Variants in MCTP1 observed in about 807,000 individuals in gnomAD.
The protein encoded by MCTP1 is multiple C2 and transmembrane domain containing 1, also known as multiple C2 and transmembrane domain-containing protein 1.
Under a neutral mutation model 120.6 loss-of-function variants are expected in MCTP1, and 69 were observed. The observed-to-expected ratio is 0.57, with a 90% CI of 0.47 to 0.70. The LOEUF (loss-of-function observed/expected upper bound fraction) is 0.70, where lower values mean the gene tolerates loss of function less well. MCTP1 is among the 30% of genes least tolerant of loss of function. The pLI, the probability that MCTP1 is intolerant of heterozygous loss-of-function variation, is 0.00. For missense variants in MCTP1, 1,203 were observed against 1,248.8 expected, an observed-to-expected ratio of 0.96 and a Z score of 0.55; for synonymous variants, 529 against 493.1, an observed-to-expected ratio of 1.07 and a Z score of -0.96.
At chr5:95,263,436 A>C (rs532659854) in intron 1 of MCTP1, among the ~76,000 whole-genome samples, 1 of 152,234 alleles carries the variant, frequency 6.6e-6, no homozygotes, top group Admixed American at 6.5e-5. Flanking sequence ...CCCCATACTA[A>C]GTCCTGTGGC....
intron 17 of MCTP1, among the ~76,000 whole-genome samples, chr5:94,834,649 C>T (rs1182581341): frequency 6.6e-6 from 1 of 152,048 alleles, no homozygotes; most frequent in African/African-American, 2.4e-5. Context: ...CATCATAGCG[C>T]AATTCAAAGG....
chr5:94,947,878 C>A (rs1261608754), intron 3 of MCTP1, among the ~76,000 whole-genome samples: 2 of 150,982 alleles, frequency 1.3e-5, no homozygotes, highest in East Asian at 2.0e-4. Context: ...CACCTCAGCG[C>A]CCCAAAGTGC....
intron 1 of MCTP1, among the ~76,000 whole-genome samples, chr5:95,142,545 C>A (rs1760021931): frequency 6.6e-6 from 1 of 152,130 alleles, no homozygotes; most frequent in African/African-American, 2.4e-5. Context: ...TCTTTTCCAT[C>A]ATTATAGTCA....
chr5:95,103,233 T>A (rs868344385), intron 1 of MCTP1, among the ~76,000 whole-genome samples: 2 of 152,024 alleles, frequency 1.3e-5, no homozygotes, highest in Non-Finnish European at 2.9e-5. Flanking sequence ...TCAATGAACA[T>A]CACAAATATA....
chr5:95,002,872 A>G (rs188917711), intron 2 of MCTP1, among the ~76,000 whole-genome samples: 52 of 152,248 alleles, frequency 3.4e-4, no homozygotes, highest in Non-Finnish European at 6.6e-4. Context: ...GGGTGGAATA[A>G]TATGGTTTGG....
At chr5:95,122,096 G>A (rs12522740) in intron 1 of MCTP1, among the ~76,000 whole-genome samples, 30,829 of 151,894 alleles carry the variant, frequency 0.2, 3,299 homozygotes, top group East Asian at 0.33. Flanking sequence ...AGCAAAGATC[G>A]TTTGAGTAAT....
intron 2 of MCTP1, among the ~76,000 whole-genome samples, chr5:94,957,656 A>T (rs1052048665): frequency 6.7e-6 from 1 of 149,384 alleles, no homozygotes; most frequent in Non-Finnish European, 1.5e-5. Flanking sequence ...AATGAAGATT[A>T]AAAAAAAAGA....
At chr5:95,046,972 G>A (rs1192253901) in intron 1 of MCTP1, among the ~76,000 whole-genome samples, 1 of 152,108 alleles carries the variant, frequency 6.6e-6, no homozygotes, top group African/African-American at 2.4e-5. Context: ...CCTATTGGAA[G>A]GTAAGCTCTT....
At chr5:94,821,831 T>C (rs2153104616) in intron 17 of MCTP1, among the ~76,000 whole-genome samples, 1 of 152,314 alleles carries the variant, frequency 6.6e-6, no homozygotes, top group South Asian at 2.1e-4. Flanking sequence ...GTATTTTCTA[T>C]CTGCATTTGA....
chr5:95,238,078 G>A (rs1024709967), intron 1 of MCTP1, among the ~76,000 whole-genome samples: 7 of 152,152 alleles, frequency 4.6e-5, no homozygotes, highest in Admixed American at 6.5e-5. Context: ...GCATGAAATC[G>A]GAACAAGGGA....
chr5:94,817,730 T>G (rs1323858839), intron 17 of MCTP1, among the ~76,000 whole-genome samples: 1 of 152,248 alleles, frequency 6.6e-6, no homozygotes, highest in East Asian at 1.9e-4. Flanking sequence ...TGGATCGATT[T>G]GTATTTATAC....
intron 2 of MCTP1, among the ~76,000 whole-genome samples, chr5:95,005,900 G>A (rs1834640682): frequency 6.6e-6 from 1 of 152,044 alleles, no homozygotes; most frequent in Non-Finnish European, 1.5e-5. Context: ...TCCAGTTCAG[G>A]AGGCTGGAGC....
chr5:94,892,583 ATGTT>A (rs1211637312), intron 11 of MCTP1, among the ~76,000 whole-genome samples: 6 of 152,182 alleles, frequency 3.9e-5, no homozygotes, highest in Non-Finnish European at 8.8e-5. Context: ...TCACAGAGCG[ATGTT>A]TGTTTAATTT....
intron 2 of MCTP1, among the ~76,000 whole-genome samples, chr5:94,963,360 T>A (rs1326215202): frequency 6.6e-6 from 1 of 151,782 alleles, no homozygotes; most frequent in African/African-American, 2.4e-5. Context: ...TTCTATTTTT[T>A]TTTTTTTTTG....
intron 1 of MCTP1, among the ~76,000 whole-genome samples, chr5:95,070,772 A>C (rs1168157276): frequency 6.6e-6 from 1 of 152,218 alleles, no homozygotes. Flanking sequence ...TTCATCCCGC[A>C]GTAGTTCCAT....
Position 95,204,706 on chromosome 5 carries a change from T to C in MCTP1, c.720+79150A>G, listed in dbSNP as rs1006889544. ...AGGACAAGATTAATATATAAATTAATTTCTATTTGTAACCAATAAGGAAAT... is the reference window on the plus strand; with the variant it reads ...AGGACAAGATTAATATATAAATTAACTTCTATTTGTAACCAATAAGGAAAT... On this transcript the variant is annotated intron_variant, in intron 1 of 22. Coordinates refer to ENST00000515393, the MANE Select transcript of MCTP1 (RefSeq NM_024717.7). Among the ~76,000 whole-genome samples the C allele has an allele frequency of 2.6e-5, 4 of 152,290 alleles. No homozygotes were observed. In the South Asian group the frequency reaches 6.2e-4, roughly 24 times the overall value.
intron 1 of MCTP1, among the ~76,000 whole-genome samples, chr5:95,208,114 A>C (rs2152563086): frequency 6.6e-6 from 1 of 152,194 alleles, no homozygotes; most frequent in African/African-American, 2.4e-5. Context: ...TTTGAGAGGA[A>C]GTTTTGCTCC....
chr5:95,006,540 C>T lies in MCTP1; in HGVS notation c.838+10827G>A, dbSNP rs563515111. On this transcript the variant is annotated intron_variant, in intron 2 of 22. Transcript: ENST00000515393. ...CTGTACTGGGTAAAACAAGGCTATACCTGATTCCCACCAACTGTAGGAAAT... is the reference window on the plus strand; with the variant it reads ...CTGTACTGGGTAAAACAAGGCTATATCTGATTCCCACCAACTGTAGGAAAT... Among the ~76,000 whole-genome samples, 6 of 152,266 alleles carry T rather than the reference C, an allele frequency of 3.9e-5. No individual in the cohort carries two copies. In the South Asian group the frequency reaches 6.2e-4, roughly 16 times the overall value.
chr5:95,109,824 G>A (rs896413583), intron 1 of MCTP1, among the ~76,000 whole-genome samples: 2 of 152,148 alleles, frequency 1.3e-5, no homozygotes, highest in Non-Finnish European at 2.9e-5. Context: ...TCAAATGTTT[G>A]CAAACAAGCA....
Sources: allele counts gnomAD v4.1 joint callset (sites outside exome capture counted in the v4.1 genomes callset), GRCh38; gene constraint gnomAD v4.1.1; transcripts MANE v1.5; gene names NCBI Gene and HGNC (gene_info 2026-07-23, HGNC 2026-07-21).